Variants in ZC3H15 observed in about 807,000 individuals in gnomAD.
The protein encoded by ZC3H15 is zinc finger CCCH-type containing 15.
ZC3H15 carries 15 observed loss-of-function variants against 51.2 expected under a neutral mutation model. The observed-to-expected ratio is 0.29, with a 90% CI of 0.20 to 0.45. ZC3H15 has a LOEUF of 0.45. Among genes scored for constraint, ZC3H15 ranks in the 20% least tolerant of loss-of-function variants. The pLI, the probability that ZC3H15 is intolerant of heterozygous loss-of-function variation, is 1.00. For synonymous variants in ZC3H15, 144 were observed against 162.8 expected (o/e 0.88, Z 0.88); for missense variants, 381 against 494.7 (o/e 0.77, Z 2.18).
Position 186,486,337 on chromosome 2 carries a change from G to C in ZC3H15, c.-46G>C, listed in dbSNP as rs1317313888. On this transcript the variant is annotated 5_prime_UTR_variant, in exon 1 of 10. Transcript: ENST00000337859. ...CTGCCGCAGGGCCAGAACCCCTGAC[G>C]GTATTCAGCTGCGCGTAAGTCTGGC... 6.7e-7 allele frequency: 1 copy of C among 1,500,918 alleles called. No homozygotes were observed. Among genetic ancestry groups the C allele is most frequent in the South Asian group, 1.3e-5 (1 of 78,404 alleles). The allele number at this position is 1,500,918 out of a possible 1,614,324, so 93.0% of individuals were successfully genotyped here. A position where few individuals can be genotyped will look rare whatever the true frequency, so the allele number is the denominator to read the frequency against.
At chr2:186,491,850 A>C (rs1685205070) in intron 1 of ZC3H15, among the ~76,000 whole-genome samples, 1 of 152,040 alleles carries the variant, frequency 6.6e-6, no homozygotes, top group Non-Finnish European at 1.5e-5. Flanking sequence ...TCTGTGGAAA[A>C]ATGTTAATTT....
At chr2:186,494,981 A>T (rs143409430) in intron 1 of ZC3H15, among the ~76,000 whole-genome samples, 25 of 152,008 alleles carry the variant, frequency 1.6e-4, no homozygotes, top group African/African-American at 5.3e-4. Flanking sequence ...AATATATATA[A>T]AAATAATAAA....
At position 186,505,749 on chromosome 2, in the gene ZC3H15, C is replaced by T; in HGVS notation, c.874C>T (p.Arg292Cys). 6.2e-7 allele frequency: 1 copy of T among 1,613,840 alleles called. No individual in the cohort carries two copies. The highest frequency in any genetic ancestry group is 8.5e-7 in the Non-Finnish European group (1 of 1,179,950). ...KAGKALVISG[R>C]EVFEFRPELV... ...TTGTGTGTCTCAATAGATCAGTGGT[C>T]GTGAAGTGTTTGAATTTCGTCCTGA... Residue 292 changes from arginine (R) to cysteine (C), a missense_variant, in exon 8 of 10, where the codon CGT becomes TGT. Coordinates refer to ENST00000337859, the MANE Select transcript of ZC3H15 (RefSeq NM_018471.3).
intron 1 of ZC3H15, among the ~76,000 whole-genome samples, chr2:186,487,631 C>T (rs186597152): frequency 1.4e-4 from 21 of 152,310 alleles, no homozygotes; most frequent in Non-Finnish European, 1.5e-4. Context: ...ATTACCTTCA[C>T]ATCTGTGTTT....
intron 1 of ZC3H15, among the ~76,000 whole-genome samples, chr2:186,493,466 C>T (rs1444794078): frequency 1.3e-5 from 2 of 152,050 alleles, no homozygotes; most frequent in Non-Finnish European, 2.9e-5. Context: ...CTCCAGAGAA[C>T]CAGAAAAGAC....
chr2:186,505,595 G>A lies in ZC3H15; in HGVS notation c.862G>A (p.Val288Met), dbSNP rs1685454266. ...TGACTTCAAAGCAGGGAAAGCACTA[G>A]TGGTATGTCTCAGGCTCACCCAAAC... ...KADFKAGKAL[V>M]ISGREVFEFR... The change falls in exon 7 of 10, where the codon GTG becomes ATG. Residue 288 changes from valine to methionine, a missense_variant and splice_region_variant. Physicochemically the swap from Val to Met is conservative, Grantham distance 21. Coordinates refer to ENST00000337859, the MANE Select transcript of ZC3H15 (RefSeq NM_018471.3). 1.2e-6 allele frequency: 2 copies of A among 1,604,832 alleles called. No homozygotes were observed. The highest frequency in any genetic ancestry group is 1.7e-6 in the Non-Finnish European group (2 of 1,176,428).
intron 1 of ZC3H15, among the ~76,000 whole-genome samples, chr2:186,491,012 C>A (rs1559007524): frequency 1.3e-5 from 2 of 152,036 alleles, no homozygotes; most frequent in Non-Finnish European, 2.9e-5. Context: ...CCTTGTAATT[C>A]AGGTTAATCT....
Position 186,499,603 on chromosome 2 carries a change from C to T in ZC3H15, c.178-579C>T, listed in dbSNP as rs1481319121. On this transcript the variant is annotated intron_variant, in intron 2 of 9. Transcript: ENST00000337859. ...CATCTTTGTCTTTTCATTGTATTCT[C>T]TGTCATCTAACATAGGACCTGACGT... The T allele has an allele frequency of 8.8e-6, 4 of 455,798 alleles. No individual in the cohort carries two copies. The Middle Eastern group carries it at 9.8e-4, about 111-fold the overall frequency. 28.2% of individuals were successfully genotyped at this position (455,798 alleles called of 1,614,324 possible).
Position 186,505,431 on chromosome 2 carries a change from T to A in ZC3H15, c.718-20T>A, listed in dbSNP as rs1235923085. On this transcript the variant is annotated intron_variant, in intron 6 of 9. Coordinates refer to ENST00000337859, the MANE Select transcript of ZC3H15 (RefSeq NM_018471.3). ...TGAGGTGACTTCTGTGGAAAAAAAA[T>A]TAATTCTTTACCATTGCAGCGTTCT... 1 of 1,514,148 alleles carries A rather than the reference T, an allele frequency of 6.6e-7. No individual in the cohort carries two copies. Among genetic ancestry groups the A allele is most frequent in the Non-Finnish European group, 8.8e-7 (1 of 1,135,050 alleles). 93.8% of individuals were successfully genotyped at this position (1,514,148 alleles called of 1,614,324 possible).
intron 1 of ZC3H15, among the ~76,000 whole-genome samples, chr2:186,492,668 T>G (rs1039466421): frequency 6.6e-5 from 10 of 152,242 alleles, no homozygotes; most frequent in Admixed American, 2.0e-4. Context: ...TTGAGGTTGC[T>G]GTAAACATTA....
At chr2:186,497,008 C>T (rs566746754) in intron 2 of ZC3H15, 10 of 329,600 alleles carry the variant, frequency 3.0e-5, no homozygotes, top group Admixed American at 1.5e-4. Flanking sequence ...TTCTTTCATA[C>T]GAATTTTAAA....
intron 3 of ZC3H15, 57 bp downstream of exon 3, chr2:186,500,350 C>G: frequency 7.4e-7 from 1 of 1,348,672 alleles, no homozygotes; most frequent in Non-Finnish European, 1.0e-6. Flanking sequence ...ATGCTAAAAA[C>G]TATTTATTTT....
At chr2:186,502,349 G>T in intron 4 of ZC3H15, 147 bp from the exon 5 acceptor site, 1 of 593,532 alleles carries the variant, frequency 1.7e-6, no homozygotes, top group Non-Finnish European at 2.8e-6. Flanking sequence ...TCCATCCTGA[G>T]CAACAGTGAG....
At chr2:186,503,398 C>T (rs550545675) in intron 5 of ZC3H15, among the ~76,000 whole-genome samples, 27 of 152,018 alleles carry the variant, frequency 1.8e-4, no homozygotes, top group Non-Finnish European at 2.2e-4. Flanking sequence ...ATTTTTGAGG[C>T]GGAGTTTTGC....
intron 4 of ZC3H15, 49 bp from the exon 5 acceptor site, chr2:186,502,447 G>C (rs1685401056): frequency 7.0e-7 from 1 of 1,437,380 alleles, no homozygotes; most frequent in African/African-American, 1.4e-5. Flanking sequence ...TATGTGTTGT[G>C]GGAGTAGTAG....
chr2:186,494,431 G>A (rs115772783), intron 1 of ZC3H15, among the ~76,000 whole-genome samples: 1,724 of 152,224 alleles, frequency 0.011, 32 homozygotes, highest in African/African-American at 0.039. Flanking sequence ...AATGTGTTCA[G>A]TATCGTATAA....
chr2:186,503,697 A>G (rs958868395), intron 5 of ZC3H15, among the ~76,000 whole-genome samples: 6 of 152,138 alleles, frequency 3.9e-5, no homozygotes, highest in Non-Finnish European at 8.8e-5. Context: ...TATTTTTTAT[A>G]GCTAATTGTA....
chr2:186,491,848 A>G (rs937493494), intron 1 of ZC3H15, among the ~76,000 whole-genome samples: 11 of 152,058 alleles, frequency 7.2e-5, no homozygotes, highest in Non-Finnish European at 1.5e-4. Context: ...TCTCTGTGGA[A>G]AAATGTTAAT....
At chr2:186,500,364 G>A (rs1685360654) in intron 3 of ZC3H15, 71 bp downstream of exon 3, 1 of 1,263,100 alleles carries the variant, frequency 7.9e-7, no homozygotes, top group African/African-American at 1.5e-5. Flanking sequence ...TTATTTTGAT[G>A]TTTATTTTCT....
Sources: allele counts gnomAD v4.1 joint callset (sites outside exome capture counted in the v4.1 genomes callset), GRCh38; gene constraint gnomAD v4.1.1; transcripts MANE v1.5; gene names NCBI Gene and HGNC (gene_info 2026-07-23, HGNC 2026-07-21).